NADK: variants seen among roughly 807,000 people sequenced by gnomAD.
NADK encodes the protein NAD kinase.
NADK carries 22 observed loss-of-function variants against 49.8 expected under a neutral mutation model. That is an observed-to-expected ratio of 0.44 (90% CI 0.32 to 0.63). NADK has a LOEUF of 0.63. NADK is among the 30% of genes least tolerant of loss of function. The probability of loss-of-function intolerance (pLI) is 0.06; values close to 1 mark genes in which losing one functional copy is unlikely to be tolerated. For missense variants in NADK, 438 were observed against 609.4 expected (o/e 0.72, Z 2.96); for synonymous variants, 268 against 253.7 (o/e 1.06, Z -0.54).
chr1:1,767,659 T>C (rs1645927023), intron 1 of NADK, among the ~76,000 whole-genome samples: 1 of 152,202 alleles, frequency 6.6e-6, no homozygotes, highest in Non-Finnish European at 1.5e-5. Context: ...ATGGACTGAA[T>C]GTGTCCTCCC....
At chr1:1,761,233 C>T (rs551310098) in intron 3 of NADK, among the ~76,000 whole-genome samples, 80 of 152,260 alleles carry the variant, frequency 5.3e-4, no homozygotes, top group African/African-American at 1.6e-3. Context: ...CCTCGTGATC[C>T]GCCCCCCTTG....
intron 3 of NADK, chr1:1,759,136 G>A: frequency 1.9e-6 from 3 of 1,554,492 alleles, no homozygotes; most frequent in South Asian, 1.2e-5. Context: ...CAGCCCTGAG[G>A]CTCAGCTGAG....
At chr1:1,771,802 A>ATT (rs199519336) in intron 1 of NADK, among the ~76,000 whole-genome samples, 10 of 147,206 alleles carry the variant, frequency 6.8e-5, no homozygotes, top group Admixed American at 2.7e-4. Context: ...AGCACTGGAA[A>ATT]TTTTTTTTTT....
At chr1:1,776,640 G>A (rs764872983) in intron 1 of NADK, among the ~76,000 whole-genome samples, 1 of 152,060 alleles carries the variant, frequency 6.6e-6, no homozygotes, top group Non-Finnish European at 1.5e-5. Flanking sequence ...GAGCGTGGTG[G>A]TGGGCGCCTG....
chr1:1,753,938 G>A (rs907532473), intron 10 of NADK, 113 bp downstream of exon 10: 196 of 1,353,538 alleles, frequency 1.4e-4, no homozygotes, highest in Non-Finnish European at 1.5e-4. Flanking sequence ...AGGATGACGA[G>A]GCCGCGTCTG....
At chr1:1,765,825 G>A (rs1384211678) in intron 1 of NADK, among the ~76,000 whole-genome samples, 13 of 152,154 alleles carry the variant, frequency 8.5e-5, no homozygotes, top group Admixed American at 5.9e-4. Context: ...CAGGAGAATC[G>A]CTTGAACCCA....
In NADK at chr1:1,756,267, C is replaced by T. The variant is rs774471921; in HGVS notation, c.576G>A (p.Ser192=). Residue 192 remains serine (S), a synonymous_variant, in exon 6 of 12, where the codon TCG becomes TCA. Coordinates refer to ENST00000341426, the MANE Select transcript of NADK (RefSeq NM_023018.5). ...GGDGTLLYAS[S]LFQGSVPPVM... is the part of the protein sequence containing the mutation. ...AATGTCAGCGCTTCACCTGGAAAAG[C>T]GAGGAAGCGTACAGCAGCGTCCCGT... 29 of 1,613,888 alleles carry T rather than the reference C, an allele frequency of 1.8e-5. No homozygotes were observed. The highest frequency in any genetic ancestry group is 1.6e-4 in the Middle Eastern group (1 of 6,082).
Position 1,757,172 on chromosome 1 carries a change from C to A in NADK, c.393+9G>T, listed in dbSNP as rs765368506. 2.5e-6 allele frequency: 4 copies of A among 1,608,838 alleles called. No homozygotes were observed. The East Asian group carries it at 8.9e-5, about 36-fold the overall frequency. On this transcript the variant is annotated intron_variant, in intron 4 of 11. Coordinates refer to ENST00000341426, the MANE Select transcript of NADK (RefSeq NM_023018.5). ...CACCCCAGGCCCCCTTCCCCCCTGC[C>A]CCGCGTGCCTCCATGAGGTGCGTGC... is the stretch of plus-strand genomic sequence containing the variant.
chr1:1,754,827 TTC>T lies in NADK; in HGVS notation c.689-131_689-130del, dbSNP rs1557834506. On this transcript the variant is annotated intron_variant, in intron 7 of 11. Coordinates refer to ENST00000341426, the MANE Select transcript of NADK (RefSeq NM_023018.5). The surrounding 1 kb of genome is among the most constrained non-coding windows in gnomAD (Gnocchi z 4.3). ...CAAGTTGACACACTTCTGTGCCTTT[TTC>T]TTTTTATTTTGAGATGGAGTCTCAC... is the stretch of plus-strand genomic sequence containing the variant. 2 of 873,668 alleles carry T rather than the reference TTC, an allele frequency of 2.3e-6. No individual in the cohort carries two copies. Among genetic ancestry groups the T allele is most frequent in the African/African-American group, 3.4e-5 (2 of 59,004 alleles). 54.1% of individuals were successfully genotyped at this position (873,668 alleles called of 1,614,324 possible).
chr1:1,780,246 T>G (rs1646328623), upstream of NADK: 1 of 152,158 alleles, frequency 6.6e-6, no homozygotes, highest in African/African-American at 2.4e-5. Context: ...TTGCATATGA[T>G]CATTAGCATA....
chr1:1,756,137 G>C, intron 6 of NADK, 121 bp downstream of exon 6: 1 of 960,104 alleles, frequency 1.0e-6, no homozygotes, highest in Middle Eastern at 3.1e-4. Context: ...AGTGCTGGCC[G>C]CTCTAGGTGA....
At chr1:1,761,820 C>T (rs1645733371) in intron 3 of NADK, 132 bp downstream of exon 3, 1 of 781,532 alleles carries the variant, frequency 1.3e-6, no homozygotes, top group East Asian at 2.6e-5. Context: ...TAGAATCTTC[C>T]TCAACACAGC....
At chr1:1,777,446 CAG>C (rs1238923230) in intron 1 of NADK, among the ~76,000 whole-genome samples, 1 of 152,144 alleles carries the variant, frequency 6.6e-6, no homozygotes, top group East Asian at 1.9e-4. Context: ...CTAAGGCTGT[CAG>C]AGAGACATGG....
At chr1:1,760,655 C>A (rs1645692463) in intron 3 of NADK, among the ~76,000 whole-genome samples, 1 of 152,008 alleles carries the variant, frequency 6.6e-6, no homozygotes, top group South Asian at 2.1e-4. Flanking sequence ...AGTGAAGCAT[C>A]CATGACTCCG....
intron 1 of NADK, among the ~76,000 whole-genome samples, chr1:1,776,049 C>T (rs554073183): frequency 6.6e-6 from 1 of 152,270 alleles, no homozygotes; most frequent in African/African-American, 2.4e-5. Flanking sequence ...AAGTGCTGGG[C>T]TTGTGTGCTC....
intron 3 of NADK, among the ~76,000 whole-genome samples, chr1:1,758,799 G>A (rs1317303487): frequency 1.3e-5 from 2 of 152,206 alleles, no homozygotes; most frequent in South Asian, 2.1e-4. Flanking sequence ...ACTGAGCCGG[G>A]TGGGACCAAG....
chr1:1,770,065 G>C (rs1193353221), intron 1 of NADK, among the ~76,000 whole-genome samples: 1 of 152,070 alleles, frequency 6.6e-6, no homozygotes, highest in African/African-American at 2.4e-5. Context: ...TATGCAGGAG[G>C]CTGAGGAAGG....
chr1:1,778,042 C>T lies in NADK; in HGVS notation c.-41+247G>A, dbSNP rs111655869. 6.6e-6 allele frequency among the ~76,000 whole-genome samples: 1 copy of T among 152,312 alleles called. No individual in the cohort carries two copies. The highest frequency in any genetic ancestry group is 2.4e-5 in the African/African-American group (1 of 41,584). ...GGCTGGACGGCCCCACCTTCCCCGCCCGGGAGAGCCAGGCCGGACAGCGGC... is the reference window on the plus strand; with the variant it reads ...GGCTGGACGGCCCCACCTTCCCCGCTCGGGAGAGCCAGGCCGGACAGCGGC... On this transcript the variant is annotated intron_variant, in intron 1 of 11. Coordinates refer to ENST00000341426, the MANE Select transcript of NADK (RefSeq NM_023018.5). This position sits in a 1 kb window ranked among gnomAD's most constrained non-coding sequence, Gnocchi z 4.9.
chr1:1,771,075 T>TATATAC (rs1472215712), intron 1 of NADK, among the ~76,000 whole-genome samples: 6 of 142,630 alleles, frequency 4.2e-5, no homozygotes, highest in African/African-American at 1.3e-4. Flanking sequence ...TATATATATA[T>TATATAC]ACACACACAC....
Sources: gnomAD v4.1 joint callset for allele counts (sites outside exome capture counted in the v4.1 genomes callset) on GRCh38, gnomAD v4.1.1 for gene constraint, Gnocchi (gnomAD v3.1) non-coding constraint, MANE v1.5 for transcripts, NCBI Gene and HGNC (gene_info 2026-07-23, HGNC 2026-07-21) for gene names.